SYCP2: variants seen among roughly 807,000 people sequenced by gnomAD.
The protein encoded by SYCP2 is synaptonemal complex lateral element protein.
In SYCP2, 55 loss-of-function variants were observed where a neutral mutation model predicts 211.3. That is an observed-to-expected ratio of 0.26 (90% CI 0.21 to 0.33). The LOEUF is 0.33. Ranked by LOEUF, SYCP2 falls within the 10% of genes least tolerant of loss-of-function variation. The pLI, the probability that SYCP2 is intolerant of heterozygous loss-of-function variation, is 1.00. For missense variants in SYCP2, 1,731 were observed against 1,752.0 expected, an observed-to-expected ratio of 0.99 and a Z score of 0.21; for synonymous variants, 570 against 555.2, an observed-to-expected ratio of 1.03 and a Z score of -0.37.
At chr20:59,919,621 A>G in intron 5 of SYCP2, 24 bp from the exon 6 acceptor site, 1 of 1,409,860 alleles carries the variant, frequency 7.1e-7, no homozygotes, top group Non-Finnish European at 9.9e-7. Flanking sequence ...TGAACTTATT[A>G]GAGTTCCATT....
At chr20:59,902,282 T>G (rs1433822053) in intron 15 of SYCP2, among the ~76,000 whole-genome samples, 2 of 152,106 alleles carry the variant, frequency 1.3e-5, no homozygotes, top group Non-Finnish European at 1.5e-5. Flanking sequence ...TGTCAGGAGA[T>G]TGTGAGGTGA....
At position 59,864,071 on chromosome 20, in the gene SYCP2, C is replaced by CT. The variant is rs2059282636; in HGVS notation, c.*239dup. 2 of 283,828 alleles carry CT rather than the reference C, an allele frequency of 7.0e-6. No homozygotes were observed. Among genetic ancestry groups the CT allele is most frequent in the African/African-American group, 4.4e-5 (2 of 45,674 alleles). The allele number at this position is 283,828 out of a possible 1,614,324, so 17.6% of individuals were successfully genotyped here. ...AATTAACTCAAAAAGTTTCTTAAAG[C>CT]TTTTATCTCCAAAATTAAAAAAAAA... On this transcript the variant is annotated 3_prime_UTR_variant, in exon 45 of 45. Coordinates refer to ENST00000357552, the MANE Select transcript of SYCP2 (RefSeq NM_014258.4).
intron 2 of SYCP2, among the ~76,000 whole-genome samples, chr20:59,929,621 T>C (rs1416158590): frequency 2.0e-5 from 3 of 151,956 alleles, no homozygotes; most frequent in Non-Finnish European, 4.4e-5. Context: ...ATATAAAGCA[T>C]AAAAAATGCA....
At chr20:59,868,803 A>G in intron 37 of SYCP2, 32 bp downstream of exon 37, 1 of 1,545,030 alleles carries the variant, frequency 6.5e-7, no homozygotes, top group Non-Finnish European at 8.8e-7. Flanking sequence ...TTCAGTAATC[A>G]TTTTTTAAAA....
chr20:59,873,452 G>A (rs1457957712), intron 35 of SYCP2, among the ~76,000 whole-genome samples: 2 of 152,168 alleles, frequency 1.3e-5, no homozygotes, highest in African/African-American at 4.8e-5. Flanking sequence ...TCCCAGGAGG[G>A]ACAGAGTGGA....
chr20:59,902,114 G>T (rs1489874360), intron 15 of SYCP2, among the ~76,000 whole-genome samples: 2 of 151,946 alleles, frequency 1.3e-5, no homozygotes, highest in Non-Finnish European at 2.9e-5. Context: ...GAACACATCT[G>T]AGAATACTAT....
Position 59,886,805 on chromosome 20 carries a change from G to A in SYCP2, c.2394C>T (p.Thr798=). 1.3e-6 allele frequency: 2 copies of A among 1,583,368 alleles called. No homozygotes were observed. The highest frequency in any genetic ancestry group is 1.7e-6 in the Non-Finnish European group (2 of 1,169,206). The change falls in exon 25 of 45, where the codon ACC becomes ACT. Residue 798 remains threonine, a synonymous_variant. Transcript: ENST00000357552. ...GGCTTATCAAGGATTCTGCTACATT[G>A]GTAAATTCTTTCCCTTTTGACTTTT... The part of the protein sequence containing the change: ...MREKSKGKEF[T]NVAESLISQI...
intron 36 of SYCP2, 101 bp from the exon 37 acceptor site, chr20:59,869,026 G>C: frequency 1.4e-6 from 1 of 736,612 alleles, no homozygotes; most frequent in Non-Finnish European, 2.2e-6. Context: ...TTTAAATGCT[G>C]TCAATTCTTT....
intron 7 of SYCP2, among the ~76,000 whole-genome samples, chr20:59,917,655 T>TG (rs1328322226): frequency 6.6e-6 from 1 of 151,726 alleles, no homozygotes; most frequent in African/African-American, 2.4e-5. Context: ...TAAAACTTTT[T>TG]GGCTCTGAAG....
chr20:59,869,673 AT>A (rs2145604036), intron 36 of SYCP2, 124 bp downstream of exon 36: 1 of 547,632 alleles, frequency 1.8e-6, no homozygotes, highest in African/African-American at 1.9e-5. Context: ...TAAACATCAG[AT>A]TTTCAGGTAA....
chr20:59,917,794 A>G (rs2060470936), intron 7 of SYCP2, among the ~76,000 whole-genome samples: 1 of 152,180 alleles, frequency 6.6e-6, no homozygotes. Flanking sequence ...CCACAAGTCA[A>G]AGAATGAGTA....
rs554803282 is a variant in SYCP2, at chr20:59,896,281, C to T, written c.1504+148G>A. On this transcript the variant is annotated intron_variant, in intron 19 of 44. Transcript: ENST00000357552. ...CATATGTTAGCATTATACTTTTCTTCCCATTAGAAGACATTTGTGGTTCAT... is the reference window on the plus strand; with the variant it reads ...CATATGTTAGCATTATACTTTTCTTTCCATTAGAAGACATTTGTGGTTCAT... 8.3e-5 allele frequency: 45 copies of T among 541,036 alleles called. 1 individual carries two copies. The highest frequency in any genetic ancestry group is 1.2e-4 in the Non-Finnish European group (37 of 305,902). 33.5% of individuals were successfully genotyped at this position (541,036 alleles called of 1,614,324 possible). A position where few individuals can be genotyped will look rare whatever the true frequency, so the allele number is the denominator to read the frequency against.
At position 59,864,369 on chromosome 20, in the gene SYCP2, T is replaced by C. The variant is rs772176163; in HGVS notation, c.4535A>G (p.Asn1512Ser). 4 of 1,604,504 alleles carry C rather than the reference T, an allele frequency of 2.5e-6. No homozygotes were observed. The Admixed American group carries it at 5.1e-5, about 21-fold the overall frequency. ...LKDMLEEELL[N>S]VRRELMSVFM... Reference sequence around the variant, plus strand: ...TACTGACATCAGTTCTCTGCGTACATTAAGAAGCTCCTCTTCTAGCTATAG... The same window carrying C: ...TACTGACATCAGTTCTCTGCGTACACTAAGAAGCTCCTCTTCTAGCTATAG... Residue 1512 changes from asparagine (N) to serine (S), a missense_variant, in exon 45 of 45, where the codon AAT (asparagine) becomes AGT (serine). Transcript: ENST00000357552.
rs752969287 is a variant in SYCP2, at chr20:59,868,418, T to G, written c.3983A>C (p.His1328Pro). The change falls in exon 38 of 45, where the codon CAC becomes CCC. Residue 1328 changes from histidine (H) to proline (P), a missense_variant. Transcript: ENST00000357552. ...CKIEDADHHI[H>P]KMSESVSSLS... is the part of the protein sequence containing the mutation. Reference sequence around the variant, plus strand: ...CAGGCTACTGATCTACCTACTTTTGTGGATATGATGATCTGCATCTTCAAT... The same window carrying G: ...CAGGCTACTGATCTACCTACTTTTGGGGATATGATGATCTGCATCTTCAAT... 1.2e-6 allele frequency: 2 copies of G among 1,609,340 alleles called. No individual in the cohort carries two copies. The highest frequency in any genetic ancestry group is 1.1e-5 in the South Asian group (1 of 90,436).
chr20:59,871,138 A>T (rs954095217), intron 35 of SYCP2, among the ~76,000 whole-genome samples: 1 of 152,040 alleles, frequency 6.6e-6, no homozygotes, highest in African/African-American at 2.4e-5. Flanking sequence ...ATATATTAAG[A>T]ACTCATACAA....
intron 2 of SYCP2, among the ~76,000 whole-genome samples, chr20:59,925,036 A>G (rs56754862): frequency 0.022 from 3,366 of 152,198 alleles, 131 homozygotes; most frequent in African/African-American, 0.076. Context: ...AGAACAATTA[A>G]GTTTCTAGAA....
intron 2 of SYCP2, among the ~76,000 whole-genome samples, chr20:59,929,501 G>T (rs1351646325): frequency 6.6e-6 from 1 of 152,150 alleles, no homozygotes; most frequent in Non-Finnish European, 1.5e-5. Context: ...CTCTGTCAGT[G>T]TGTTGGGTGA....
chr20:59,885,140 C>T (rs1435013899), intron 26 of SYCP2: 2 of 152,056 alleles, frequency 1.3e-5, no homozygotes, highest in Non-Finnish European at 2.9e-5. Flanking sequence ...TTAAACATGA[C>T]ATGCCTAGAA....
chr20:59,896,620 A>C, intron 18 of SYCP2, 92 bp from the exon 19 acceptor site: 1 of 637,614 alleles, frequency 1.6e-6, no homozygotes, highest in Non-Finnish European at 2.8e-6. Flanking sequence ...GCCTTGATAC[A>C]TGCCAAAGAT....
Sources: allele counts gnomAD v4.1 joint callset (sites outside exome capture counted in the v4.1 genomes callset), GRCh38; gene constraint gnomAD v4.1.1; transcripts MANE v1.5; gene names NCBI Gene and HGNC (gene_info 2026-07-23, HGNC 2026-07-21).